HIVEP3: variants seen among roughly 807,000 people sequenced by gnomAD.
HIVEP3 encodes transcription factor HIVEP3.
Under a neutral mutation model 152.8 loss-of-function variants are expected in HIVEP3, and 49 were observed. The observed-to-expected ratio is 0.32, with a 90% CI of 0.26 to 0.41. HIVEP3 has a LOEUF of 0.41. HIVEP3 is among the 10% of genes least tolerant of loss of function. The pLI is 1.00. For synonymous variants in HIVEP3, 1,269 were observed against 1,289.0 expected, an observed-to-expected ratio of 0.98 and a Z score of 0.33; for missense variants, 2,790 against 3,103.3, an observed-to-expected ratio of 0.90 and a Z score of 2.40.
chr1:41,714,365 T>C (rs527596002), intron 1 of HIVEP3, among the ~76,000 whole-genome samples: 3 of 152,318 alleles, frequency 2.0e-5, no homozygotes, highest in South Asian at 2.1e-4. Context: ...GTGTTTCCCA[T>C]GGGTACCATG....
At chr1:42,020,107 A>G (rs1645545338) in intron 1 of HIVEP3, among the ~76,000 whole-genome samples, 1 of 151,944 alleles carries the variant, frequency 6.6e-6, no homozygotes, top group Non-Finnish European at 1.5e-5. Context: ...CATTTTGATT[A>G]TATTTTGCTT....
At chr1:42,017,033 A>C (rs77659692) in intron 1 of HIVEP3, among the ~76,000 whole-genome samples, 363 of 152,270 alleles carry the variant, frequency 2.4e-3, no homozygotes, top group African/African-American at 7.7e-3. Flanking sequence ...AAACCTTAGC[A>C]ACACTGAGTA....
chr1:42,032,736 C>T (rs779126672), intron 1 of HIVEP3, among the ~76,000 whole-genome samples: 1 of 152,200 alleles, frequency 6.6e-6, no homozygotes, highest in East Asian at 1.9e-4. Context: ...AGGGATTTTG[C>T]CTTCCAGGGT....
At chr1:41,878,910 C>T (rs574522195) in intron 1 of HIVEP3, among the ~76,000 whole-genome samples, 1 of 140,378 alleles carries the variant, frequency 7.1e-6, no homozygotes, top group Admixed American at 7.0e-5. Context: ...CTTTCCTTTC[C>T]ATCAACAAGC....
intron 1 of HIVEP3, among the ~76,000 whole-genome samples, chr1:41,789,267 A>T (rs1390812328): frequency 6.6e-6 from 1 of 152,208 alleles, no homozygotes; most frequent in Non-Finnish European, 1.5e-5. Flanking sequence ...GATTGTGGGC[A>T]TGTTATGTAA....
intron 1 of HIVEP3, among the ~76,000 whole-genome samples, chr1:41,959,653 T>C (rs1645158877): frequency 6.6e-6 from 1 of 152,198 alleles, no homozygotes; most frequent in Admixed American, 6.5e-5. Flanking sequence ...AATATGGGGC[T>C]GGTTCCCAAG....
chr1:41,978,905 G>A (rs923929124), intron 1 of HIVEP3, among the ~76,000 whole-genome samples: 4 of 152,064 alleles, frequency 2.6e-5, no homozygotes, highest in Non-Finnish European at 5.9e-5. Context: ...CTGCCCCAAC[G>A]ATCACTGCAC....
rs553281878 is a variant in HIVEP3 at position 41,624,999 on chromosome 1, A to C, written c.-522+3750T>G. Among the ~76,000 whole-genome samples, 349 of 152,148 alleles carry C rather than the reference A, an allele frequency of 2.3e-3. 1 individual carries two copies. The highest frequency in any genetic ancestry group is 5.0e-3 in the South Asian group (24 of 4,814). On this transcript the variant is annotated intron_variant, in intron 3 of 8. Transcript: ENST00000372583. Reference sequence around the variant, plus strand: ...GCTGACATGGTGAAACCCCATCTCTAATAAAAATACAAAAATTAGCTGGTG... The same window carrying C: ...GCTGACATGGTGAAACCCCATCTCTCATAAAAATACAAAAATTAGCTGGTG...
Position 41,580,368 on chromosome 1 carries a change from T to A in HIVEP3, c.4430A>T (p.Asp1477Val), listed in dbSNP as rs1644383537. 6.2e-7 allele frequency: 1 copy of A among 1,614,210 alleles called. No individual in the cohort carries two copies. Among genetic ancestry groups the A allele is most frequent in the Admixed American group, 1.7e-5 (1 of 60,034 alleles). The change falls in exon 4 of 9, where the codon GAT (aspartate) becomes GTT (valine). Residue 1477 changes from aspartate to valine, a missense_variant. Physicochemically the swap from Asp to Val is radical, Grantham distance 152. Transcript: ENST00000372583. ...GTGGGATTTCTCTGGCCTCTTCCCA[T>A]CCTCGGTGCTGGTAAGGACCACACT... Reference protein sequence around the residue: ...PCSVVLTSTEDGKRPEKSHLG... With the variant: ...PCSVVLTSTEVGKRPEKSHLG...
At chr1:42,023,084 G>A (rs1040011196) in intron 1 of HIVEP3, among the ~76,000 whole-genome samples, 2 of 152,120 alleles carry the variant, frequency 1.3e-5, no homozygotes, top group South Asian at 2.1e-4. Flanking sequence ...AGGCTGGAGT[G>A]CAACCTCCAC....
At chr1:41,716,116 G>A (rs868179311) in intron 1 of HIVEP3, among the ~76,000 whole-genome samples, 1 of 152,260 alleles carries the variant, frequency 6.6e-6, no homozygotes, top group African/African-American at 2.4e-5. Flanking sequence ...GGAGCACAGG[G>A]AGGGCTTGCT....
chr1:41,822,038 T>C (rs1321321732), intron 1 of HIVEP3, among the ~76,000 whole-genome samples: 1 of 152,168 alleles, frequency 6.6e-6, no homozygotes, highest in Non-Finnish European at 1.5e-5. Context: ...TTGCTCCCAA[T>C]TCTGTGGGTT....
intron 1 of HIVEP3, among the ~76,000 whole-genome samples, chr1:41,960,113 C>T (rs963424497): frequency 2.0e-4 from 30 of 152,090 alleles, no homozygotes; most frequent in African/African-American, 6.0e-4. Context: ...GGGCTCAGAC[C>T]CCCTCAGGAT....
chr1:41,755,129 C>T (rs12033544), intron 1 of HIVEP3, among the ~76,000 whole-genome samples: 71,596 of 152,028 alleles, frequency 0.47, 19,751 homozygotes, highest in Non-Finnish European at 0.63. Context: ...AAACAAATAG[C>T]GAACCCAGAA....
intron 1 of HIVEP3, among the ~76,000 whole-genome samples, chr1:42,011,013 CACTGAAATAACAA>C (rs1322234279): frequency 6.6e-6 from 1 of 152,148 alleles, no homozygotes; most frequent in Admixed American, 6.5e-5. Flanking sequence ...CACGGTTTCC[CACTGAAATAACAA>C]ACTGCAAGCC....
At position 41,583,803 on chromosome 1, in the gene HIVEP3, G is replaced by A. The variant is rs917859654; in HGVS notation, c.995C>T (p.Ala332Val). ...TGGAGGGGGGTCTTCGAGTGACTGG[G>A]CTGTGCTGGACTGGGACAGGGAACA... Reference protein sequence around the residue: ...ERCSLSQSSTAQSLEDPPPFV... With the variant: ...ERCSLSQSSTVQSLEDPPPFV... Residue 332 changes from alanine to valine, a missense_variant, in exon 4 of 9, where the codon GCC becomes GTC. Ala to Val is a moderately conservative substitution (Grantham distance 64). Coordinates refer to ENST00000372583, the MANE Select transcript of HIVEP3 (RefSeq NM_024503.5). This position sits in a 1 kb window ranked among gnomAD's most constrained non-coding sequence, Gnocchi z 6.9. 2 of 1,596,628 alleles carry A rather than the reference G, an allele frequency of 1.3e-6. No individual in the cohort carries two copies. The highest frequency in any genetic ancestry group is 2.3e-5 in the South Asian group (2 of 87,608).
At chr1:41,522,099 G>A (rs1030988915) in intron 6 of HIVEP3, among the ~76,000 whole-genome samples, 4 of 152,198 alleles carry the variant, frequency 2.6e-5, no homozygotes, top group Admixed American at 6.5e-5. Flanking sequence ...TGGTGTAGCC[G>A]GGTGGTAGGG....
intron 1 of HIVEP3, among the ~76,000 whole-genome samples, chr1:41,792,011 C>T (rs764261481): frequency 2.6e-5 from 4 of 152,174 alleles, no homozygotes; most frequent in Non-Finnish European, 4.4e-5. Flanking sequence ...TTTCCAGATG[C>T]ACTCTCTATA....
chr1:41,635,200 T>C (rs1320137563), intron 2 of HIVEP3, among the ~76,000 whole-genome samples: 1 of 152,056 alleles, frequency 6.6e-6, no homozygotes, highest in African/African-American at 2.4e-5. Context: ...CTAAAAAAAC[T>C]CTTGAATCAA....
Sources: gnomAD v4.1 joint callset for allele counts (sites outside exome capture counted in the v4.1 genomes callset) on GRCh38, gnomAD v4.1.1 for gene constraint, Gnocchi (gnomAD v3.1) non-coding constraint, MANE v1.5 for transcripts, NCBI Gene and HGNC (gene_info 2026-07-23, HGNC 2026-07-21) for gene names.